Variants in SIPA1L2 observed in about 807,000 individuals in gnomAD.
The protein encoded by SIPA1L2 is signal induced proliferation associated 1 like 2.
SIPA1L2 carries 56 observed loss-of-function variants against 163.9 expected under a neutral mutation model. That is an observed-to-expected ratio of 0.34 (90% confidence interval 0.28 to 0.43). SIPA1L2 has a LOEUF of 0.43. Ranked by LOEUF, SIPA1L2 falls within the 20% of genes least tolerant of loss-of-function variation. The pLI, the probability that SIPA1L2 is intolerant of heterozygous loss-of-function variation, is 1.00. For synonymous variants in SIPA1L2, 877 were observed against 865.7 expected, an observed-to-expected ratio of 1.01 and a Z score of -0.23; for missense variants, 1,974 against 2,193.5, an observed-to-expected ratio of 0.90 and a Z score of 2.00.
intron 8 of SIPA1L2, among the ~76,000 whole-genome samples, chr1:232,467,111 C>T (rs1019826310): frequency 1.3e-5 from 2 of 152,172 alleles, no homozygotes; most frequent in Non-Finnish European, 2.9e-5. Flanking sequence ...TTAGAAAAAT[C>T]GCAGGCTAAC....
chr1:232,560,232 G>A (rs1658954556), intron 2 of SIPA1L2, among the ~76,000 whole-genome samples: 2 of 152,242 alleles, frequency 1.3e-5, no homozygotes, highest in Non-Finnish European at 2.9e-5. Context: ...CAGACTATTG[G>A]GATAAAATGG....
chr1:232,530,829 A>G (rs1229260532), intron 2 of SIPA1L2, among the ~76,000 whole-genome samples: 2 of 152,228 alleles, frequency 1.3e-5, no homozygotes, highest in African/African-American at 4.8e-5. Flanking sequence ...AGTTAAATAC[A>G]TGACTCTAAA....
chr1:232,629,701 C>T (rs1043504345), intron 1 of SIPA1L2, among the ~76,000 whole-genome samples, 168 bp downstream of exon 1: 2 of 152,030 alleles, frequency 1.3e-5, no homozygotes, highest in African/African-American at 2.4e-5. Flanking sequence ...CAAGCCGGAC[C>T]CTGCGCCGCG....
intron 1 of SIPA1L2, among the ~76,000 whole-genome samples, chr1:232,616,558 C>T (rs1662508349): frequency 6.6e-6 from 1 of 152,236 alleles, no homozygotes; most frequent in Non-Finnish European, 1.5e-5. Context: ...CCTATGGTGG[C>T]AGACACAGAT....
At chr1:232,560,964 T>C (rs1270405205) in intron 2 of SIPA1L2, among the ~76,000 whole-genome samples, 1 of 152,224 alleles carries the variant, frequency 6.6e-6, no homozygotes, top group Non-Finnish European at 1.5e-5. Flanking sequence ...GAAGCCTTTT[T>C]CAAAGCATTA....
rs146171414 is a variant in SIPA1L2 at position 232,406,757 on chromosome 1, T to C, written c.4763-2579A>G. Among the ~76,000 whole-genome samples, 851 of 151,886 alleles carry C rather than the reference T, an allele frequency of 5.6e-3. 7 individuals are homozygous for C. Among genetic ancestry groups the C allele is most frequent in the African/African-American group, 0.019 (809 of 41,538 alleles). ...TGAATGGTCTGATCAACGCGTCATG[T>C]CTGTTGAGGGTGAGGAATAGAACGA... is the stretch of plus-strand genomic sequence containing the variant. On this transcript the variant is annotated intron_variant, in intron 19 of 22. Transcript: ENST00000674635.
chr1:232,557,164 C>T (rs1298226033), intron 2 of SIPA1L2, among the ~76,000 whole-genome samples: 5 of 152,258 alleles, frequency 3.3e-5, no homozygotes, highest in South Asian at 4.1e-4. Flanking sequence ...TTTGTGGATC[C>T]GGTCTCATTG....
At chr1:232,434,704 T>A (rs1390303481) in intron 15 of SIPA1L2, among the ~76,000 whole-genome samples, 1 of 152,196 alleles carries the variant, frequency 6.6e-6, no homozygotes, top group East Asian at 1.9e-4. Context: ...TGACGCCCTG[T>A]ATGTTATTTT....
At chr1:232,404,624 C>T (rs1184677108) in intron 19 of SIPA1L2, among the ~76,000 whole-genome samples, 1 of 152,146 alleles carries the variant, frequency 6.6e-6, no homozygotes, top group Non-Finnish European at 1.5e-5. Context: ...CATTTTTATT[C>T]TTGGCACTAG....
chr1:232,434,250 T>C (rs1346068279), intron 15 of SIPA1L2, among the ~76,000 whole-genome samples: 1 of 152,178 alleles, frequency 6.6e-6, no homozygotes, highest in Admixed American at 6.5e-5. Flanking sequence ...AAGAGTGATA[T>C]TAAAATGAAC....
intron 5 of SIPA1L2, among the ~76,000 whole-genome samples, chr1:232,486,998 CTGTT>C (rs1281535644): frequency 6.6e-6 from 1 of 152,248 alleles, no homozygotes; most frequent in Non-Finnish European, 1.5e-5. Context: ...CTTTATTTAA[CTGTT>C]TGATAAGAGC....
At chr1:232,455,809 T>G (rs907866356) in intron 10 of SIPA1L2, among the ~76,000 whole-genome samples, 3 of 151,314 alleles carry the variant, frequency 2.0e-5, no homozygotes, top group Non-Finnish European at 2.9e-5. Flanking sequence ...GCAACACAGG[T>G]GGAGCTGGAG....
chr1:232,522,561 C>T (rs1352461901), intron 2 of SIPA1L2, among the ~76,000 whole-genome samples: 3 of 149,258 alleles, frequency 2.0e-5, no homozygotes, highest in Admixed American at 6.7e-5. Flanking sequence ...TTGTTTGCTG[C>T]TATCCTCTTC....
chr1:232,545,815 A>G (rs958170889), intron 2 of SIPA1L2, among the ~76,000 whole-genome samples: 1 of 152,254 alleles, frequency 6.6e-6, no homozygotes, highest in Non-Finnish European at 1.5e-5. Flanking sequence ...TTTTTCAATT[A>G]ATGTATTAAT....
intron 7 of SIPA1L2, among the ~76,000 whole-genome samples, chr1:232,477,879 T>C (rs192208340): frequency 6.6e-6 from 1 of 152,294 alleles, no homozygotes; most frequent in East Asian, 1.9e-4. Flanking sequence ...ATGACTCAAG[T>C]AATCAGGGAA....
At chr1:232,537,913 T>C (rs1027654063) in intron 2 of SIPA1L2, among the ~76,000 whole-genome samples, 3 of 152,230 alleles carry the variant, frequency 2.0e-5, no homozygotes, top group Non-Finnish European at 2.9e-5. Flanking sequence ...CTAACTATGA[T>C]ATTTAAGCTT....
chr1:232,441,805 C>T lies in SIPA1L2; in HGVS notation c.3501G>A (p.Arg1167=), dbSNP rs760021721. The T allele has an allele frequency of 5.0e-6, 8 of 1,613,778 alleles. No homozygotes were observed. In the Admixed American group the frequency reaches 5.0e-5, roughly 10 times the overall value. The change falls in exon 13 of 23, where the codon AGG becomes AGA. Residue 1167 remains arginine (R), a synonymous_variant. Coordinates refer to ENST00000674635, the MANE Select transcript of SIPA1L2 (RefSeq NM_020808.5). ...GSGPLECDGA[R]EREDTMEASR... ...TTGCTTCCATGGTGTCTTCCCTCTC[C>T]CTGGCTCCGTCACATTCCAAAGGGC...
intron 11 of SIPA1L2, among the ~76,000 whole-genome samples, chr1:232,444,382 T>C (rs1026559704): frequency 5.9e-5 from 9 of 152,216 alleles, no homozygotes; most frequent in African/African-American, 2.2e-4. Context: ...CCCTTCCTTC[T>C]ACATGTTGCC....
chr1:232,442,408 C>T (rs1202943277), intron 12 of SIPA1L2, among the ~76,000 whole-genome samples: 2 of 151,620 alleles, frequency 1.3e-5, no homozygotes, highest in Non-Finnish European at 2.9e-5. Context: ...ATTAGCCAGG[C>T]GTGGTGGCGA....
Sources: allele counts gnomAD v4.1 joint callset (sites outside exome capture counted in the v4.1 genomes callset), GRCh38; gene constraint gnomAD v4.1.1; transcripts MANE v1.5; gene names NCBI Gene and HGNC (gene_info 2026-07-23, HGNC 2026-07-21).